The following PCDHAC1 variants were observed in gnomAD, a reference collection of about 807,000 sequenced individuals.
PCDHAC1 encodes protocadherin alpha-C1.
Under a neutral mutation model 60.0 loss-of-function variants are expected in PCDHAC1, and 42 were observed. The ratio of observed to expected loss-of-function variants is 0.70; its 90% CI spans 0.55 to 0.90. The LOEUF (loss-of-function observed/expected upper bound fraction) is 0.90. Ranked by LOEUF, PCDHAC1 falls within the 40% of genes least tolerant of loss-of-function variation. The probability of loss-of-function intolerance (pLI) is 0.00; values close to 1 mark genes in which losing one functional copy is unlikely to be tolerated. For missense variants in PCDHAC1, 1,160 were observed against 1,222.3 expected, an observed-to-expected ratio of 0.95 and a Z score of 0.76; for synonymous variants, 468 against 499.3, an observed-to-expected ratio of 0.94 and a Z score of 0.84.
At position 140,975,481 on chromosome 5, in the gene PCDHAC1, T is replaced by C. The variant is rs566642912; in HGVS notation, c.2434-3468T>C. Among the ~76,000 whole-genome samples, 225 of 152,370 alleles carry C rather than the reference T, an allele frequency of 1.5e-3. 1 individual carries two copies. The highest frequency in any genetic ancestry group is 5.2e-3 in the African/African-American group (216 of 41,590). ...TCTTGGAATTCTGCCTATCAGTTTA[T>C]ATCAATGTTCATAAAATAGCACTAT... On this transcript the variant is annotated intron_variant, in intron 1 of 3. Transcript: ENST00000253807.
intron 1 of PCDHAC1, among the ~76,000 whole-genome samples, chr5:140,973,030 C>G (rs1274875201): frequency 1.3e-5 from 2 of 152,014 alleles, no homozygotes; most frequent in African/African-American, 4.8e-5. Context: ...TAATGAGTCA[C>G]TTTGAGTACT....
At chr5:141,005,285 A>T (rs1285354488) in intron 3 of PCDHAC1, among the ~76,000 whole-genome samples, 1 of 152,218 alleles carries the variant, frequency 6.6e-6, no homozygotes, top group Non-Finnish European at 1.5e-5. Context: ...ATAAACAGAT[A>T]CATTTTTTGC....
chr5:140,996,553 A>G lies in PCDHAC1; in HGVS notation c.2582-13074A>G, dbSNP rs868960335. 1.1e-4 allele frequency among the ~76,000 whole-genome samples: 16 copies of G among 152,172 alleles called. No individual in the cohort carries two copies. In the South Asian group the frequency reaches 2.7e-3, roughly 26 times the overall value. On this transcript the variant is annotated intron_variant, in intron 3 of 3. Transcript: ENST00000253807. The stretch of plus-strand genomic sequence containing the variant: ...TGTGTTTTGATATTATGCTGTCACT[A>G]TCTTGAAGTTCTTGATAATTTGTTA...
At chr5:140,931,782 C>T (rs967402790) in intron 1 of PCDHAC1, among the ~76,000 whole-genome samples, 9 of 151,848 alleles carry the variant, frequency 5.9e-5, no homozygotes, top group Non-Finnish European at 5.9e-5. Flanking sequence ...GTTCAATTAC[C>T]TATTGATCTG....
chr5:140,985,007 G>A (rs1349447884), intron 3 of PCDHAC1, among the ~76,000 whole-genome samples: 2 of 151,706 alleles, frequency 1.3e-5, no homozygotes, highest in African/African-American at 4.8e-5. Flanking sequence ...GCACGATATC[G>A]GCTCACAGCA....
chr5:140,970,286 C>A (rs2096395973), intron 1 of PCDHAC1, among the ~76,000 whole-genome samples: 2 of 152,174 alleles, frequency 1.3e-5, no homozygotes, highest in Admixed American at 6.5e-5. Context: ...GTAGCCTTTT[C>A]AAGTCCTTCA....
At chr5:140,982,608 T>C (rs782789536) in intron 3 of PCDHAC1, 45 bp downstream of exon 3, 1 of 1,601,306 alleles carries the variant, frequency 6.2e-7, no homozygotes, top group Non-Finnish European at 8.5e-7. Flanking sequence ...TTCTGGAAAG[T>C]GATCAGATGA....
At chr5:140,937,954 G>A (rs1209058625) in intron 1 of PCDHAC1, among the ~76,000 whole-genome samples, 2 of 151,226 alleles carry the variant, frequency 1.3e-5, no homozygotes, top group Non-Finnish European at 2.9e-5. Context: ...GGCTTTTGTT[G>A]AAAGTATATA....
intron 1 of PCDHAC1, among the ~76,000 whole-genome samples, chr5:140,958,824 A>T (rs1008923744): frequency 8.5e-5 from 13 of 152,158 alleles, no homozygotes; most frequent in African/African-American, 3.1e-4. Context: ...TAATTTTTAT[A>T]TCTTAAAGTT....
In PCDHAC1 at chr5:140,982,507, G is replaced by A. The variant is rs555523473; in HGVS notation, c.2525G>A (p.Arg842Gln). 21 of 1,614,138 alleles carry A rather than the reference G, an allele frequency of 1.3e-5. No individual in the cohort carries two copies. The highest frequency in any genetic ancestry group is 4.0e-5 in the African/African-American group (3 of 75,040). ...CACCTAGAGGAGGCTGGCATTCTAC[G>A]GGCTGGTCCAGGAGGGCCTGATCAG... is the stretch of plus-strand genomic sequence containing the variant. ...SVHLEEAGILRAGPGGPDQQW... is the reference protein window; with the variant it reads ...SVHLEEAGILQAGPGGPDQQW... The change falls in exon 3 of 4, where the codon CGG (arginine) becomes CAG (glutamine). Residue 842 changes from arginine (R) to glutamine (Q), a missense_variant. Arg to Gln is a conservative substitution (Grantham distance 43). This residue lies in a region of PCDHAC1 where 1,113 missense variants were observed against 1,163.7 expected (regional missense o/e 0.96). Coordinates refer to ENST00000253807, the MANE Select transcript of PCDHAC1 (RefSeq NM_018898.5).
At chr5:140,933,613 A>G (rs1441475985) in intron 1 of PCDHAC1, among the ~76,000 whole-genome samples, 1 of 151,962 alleles carries the variant, frequency 6.6e-6, no homozygotes, top group Non-Finnish European at 1.5e-5. Flanking sequence ...TTCTTTTCTT[A>G]TTAGGTTAGG....
At position 141,011,086 on chromosome 5, in the gene PCDHAC1, C is replaced by T. The variant is rs1181884726; in HGVS notation, c.*1149C>T. The T allele has an allele frequency of 2.6e-5, 4 of 153,678 alleles. No homozygotes were observed. Among genetic ancestry groups the T allele is most frequent in the African/African-American group, 9.7e-5 (4 of 41,430 alleles). The allele number at this position is 153,678 out of a possible 1,614,324, so 9.5% of individuals were successfully genotyped here. On this transcript the variant is annotated 3_prime_UTR_variant, in exon 4 of 4. Coordinates refer to ENST00000253807, the MANE Select transcript of PCDHAC1 (RefSeq NM_018898.5). ...TGTATTACTAAATAAAATGATCTCT[C>T]TTTCTCTCTCTCTCTCTCTTTTCTA...
intron 1 of PCDHAC1, among the ~76,000 whole-genome samples, chr5:140,931,894 A>G (rs1242530874): frequency 1.3e-5 from 2 of 151,966 alleles, no homozygotes; most frequent in African/African-American, 4.8e-5. Flanking sequence ...TTTTATTTCA[A>G]ATCATTTGAA....
intron 3 of PCDHAC1, among the ~76,000 whole-genome samples, chr5:140,998,568 A>AG (rs1167593072): frequency 3.1e-5 from 3 of 96,370 alleles, no homozygotes; most frequent in African/African-American, 1.3e-4. Context: ...ATTGTAAATA[A>AG]GTTTTTTTTT....
intron 2 of PCDHAC1, among the ~76,000 whole-genome samples, chr5:140,979,586 C>T (rs1554240859): frequency 6.6e-6 from 1 of 152,188 alleles, no homozygotes; most frequent in Admixed American, 6.5e-5. Context: ...CCAAATCTAG[C>T]TTACTTTAAA....
At chr5:140,967,934 A>G (rs781977227) in intron 1 of PCDHAC1, 4 of 1,614,172 alleles carry the variant, frequency 2.5e-6, no homozygotes, top group Non-Finnish European at 2.5e-6. Flanking sequence ...TCTCAGTGTC[A>G]ATGACCAAGA....
At chr5:140,970,139 A>G (rs1433151291) in intron 1 of PCDHAC1, among the ~76,000 whole-genome samples, 3 of 152,124 alleles carry the variant, frequency 2.0e-5, no homozygotes, top group Non-Finnish European at 4.4e-5. Flanking sequence ...AGAAGGGAAA[A>G]AGAATTCTCC....
At position 140,941,221 on chromosome 5, in the gene PCDHAC1, T is replaced by TTC. The variant is rs1217645089; in HGVS notation, c.2433+11898_2433+11899dup. Among the ~76,000 whole-genome samples the TTC allele has an allele frequency of 5.2e-4, 68 of 131,640 alleles. 1 individual carries two copies. Among genetic ancestry groups the TTC allele is most frequent in the African/African-American group, 2.0e-3 (67 of 33,088 alleles). 86.4% of individuals were successfully genotyped at this position (131,640 alleles called of 152,430 possible). A position where few individuals can be genotyped will look rare whatever the true frequency, so the allele number is the denominator to read the frequency against. Reference sequence around the variant, plus strand: ...TTTCTTCCTTTCTTTCTTCCTTTCTTTCTTTCTTTCTTTCTTTCTTTCTTT... The same window carrying TTC: ...TTTCTTCCTTTCTTTCTTCCTTTCTTTCTCTTTCTTTCTTTCTTTCTTTCTTT... On this transcript the variant is annotated intron_variant, in intron 1 of 3. Transcript: ENST00000253807.
chr5:140,928,790 G>GGGT lies in PCDHAC1; in HGVS notation c.1905_1907dup (p.Val638dup). On this transcript the variant is annotated inframe_insertion, in exon 1 of 4. Transcript: ENST00000253807. ...CTTCCCACTGATGCAGTTAAGCAGAGGGTGGTGGTAGTGGTTCGGGACCAT... is the reference window on the plus strand; with the variant it reads ...CTTCCCACTGATGCAGTTAAGCAGAGGGTGGTGGTGGTAGTGGTTCGGGACCAT... 1.2e-6 allele frequency: 2 copies of GGGT among 1,614,176 alleles called. No homozygotes were observed. Among genetic ancestry groups the GGGT allele is most frequent in the Non-Finnish European group, 1.7e-6 (2 of 1,180,036 alleles).
Sources: allele counts gnomAD v4.1 joint callset (sites outside exome capture counted in the v4.1 genomes callset), GRCh38; gene constraint gnomAD v4.1.1; regional missense constraint gnomAD v4.1.1; transcripts MANE v1.5; gene names NCBI Gene and HGNC (gene_info 2026-07-23, HGNC 2026-07-21).